The following GPC6 variants were observed in gnomAD, a reference collection of about 807,000 sequenced individuals.
GPC6 encodes glypican 6, also known as glypican-6.
A neutral mutation model predicts 55.2 loss-of-function variants in GPC6; 14 were observed. That is an observed-to-expected ratio of 0.25 (90% CI 0.17 to 0.40). The LOEUF (loss-of-function observed/expected upper bound fraction) is 0.40. Ranked by LOEUF, GPC6 falls within the 10% of genes least tolerant of loss-of-function variation. The probability of loss-of-function intolerance (pLI) is 1.00; values close to 1 mark genes in which losing one functional copy is unlikely to be tolerated. For synonymous variants in GPC6, 278 were observed against 259.6 expected (o/e 1.07, Z -0.68); for missense variants, 641 against 708.5 (o/e 0.90, Z 1.08).
At chr13:93,341,533 G>C (rs1438096655) in intron 1 of GPC6, among the ~76,000 whole-genome samples, 1 of 152,082 alleles carries the variant, frequency 6.6e-6, no homozygotes, top group South Asian at 2.1e-4. Context: ...TTTGATGGCT[G>C]TGTACATCCT....
chr13:93,354,054 A>C (rs530687581), intron 1 of GPC6, among the ~76,000 whole-genome samples: 16 of 152,310 alleles, frequency 1.1e-4, no homozygotes, highest in African/African-American at 3.4e-4. Flanking sequence ...TTTTCTAAAA[A>C]TCCGACAAGA....
intron 4 of GPC6, among the ~76,000 whole-genome samples, chr13:94,258,747 G>A (rs1020807495): frequency 2.6e-5 from 4 of 152,028 alleles, no homozygotes; most frequent in Admixed American, 1.3e-4. Context: ...TAATAATTTC[G>A]GTAGAGTAAA....
At chr13:93,314,453 TAA>T (rs1471895045) in intron 1 of GPC6, among the ~76,000 whole-genome samples, 1 of 152,052 alleles carries the variant, frequency 6.6e-6, no homozygotes, top group Non-Finnish European at 1.5e-5. Context: ...GTTGGGGAAA[TAA>T]AGTTAATATC....
chr13:94,247,436 G>A lies in GPC6; in HGVS notation c.878-38913G>A, dbSNP rs577271502. On this transcript the variant is annotated intron_variant, in intron 4 of 8. Transcript: ENST00000377047. ...TCCTGGCCTTGTACCTGCTCTTAGA[G>A]GAAAGGCTTTCAGTTTCTCCCTCTT... Among the ~76,000 whole-genome samples the A allele has an allele frequency of 4.6e-5, 7 of 152,176 alleles. No individual in the cohort carries two copies. In the South Asian group the frequency reaches 1.5e-3, roughly 32 times the overall value.
rs7327475 is a variant in GPC6 at position 94,160,557 on chromosome 13, G to T, written c.878-125792G>T. ...TGGGGCCCTTCCATGCACTGCATGG[G>T]TTGCAGGCCCATTAAACCATCCGTG... On this transcript the variant is annotated intron_variant, in intron 4 of 8. Transcript: ENST00000377047. Among the ~76,000 whole-genome samples, 486 of 152,360 alleles carry T rather than the reference G, an allele frequency of 3.2e-3. 3 individuals are homozygous for T. Among genetic ancestry groups the T allele is most frequent in the African/African-American group, 0.011 (472 of 41,590 alleles).
chr13:93,686,428 C>T (rs191456124), intron 2 of GPC6, among the ~76,000 whole-genome samples: 1 of 152,206 alleles, frequency 6.6e-6, no homozygotes, highest in East Asian at 1.9e-4. Flanking sequence ...TGTTTGGAGT[C>T]TCTGTGATCC....
rs374273982 is a variant in GPC6 at position 93,276,181 on chromosome 13, T to C, written c.160+48565T>C. Among the ~76,000 whole-genome samples, 21 of 152,158 alleles carry C rather than the reference T, an allele frequency of 1.4e-4. No homozygotes were observed. The East Asian group carries it at 1.8e-3, about 13-fold the overall frequency. On this transcript the variant is annotated intron_variant, in intron 1 of 8. Coordinates refer to ENST00000377047, the MANE Select transcript of GPC6 (RefSeq NM_005708.5). ...GAGCCACCGCGCCCAGCGAGAATTT[T>C]TAAGTATTTTATGTTCAGTGACCAG...
chr13:93,651,327 C>A (rs1880400940), intron 2 of GPC6, among the ~76,000 whole-genome samples: 1 of 150,164 alleles, frequency 6.7e-6, no homozygotes, highest in Admixed American at 6.7e-5. Flanking sequence ...TTGCTTTGTA[C>A]AACTTTTCTC....
intron 2 of GPC6, among the ~76,000 whole-genome samples, chr13:93,764,275 T>G (rs1405852293): frequency 6.6e-6 from 1 of 151,710 alleles, no homozygotes; most frequent in Non-Finnish European, 1.5e-5. Context: ...AAATGCTACC[T>G]TTCATTATAT....
At chr13:93,699,544 CT>C (rs1882597698) in intron 2 of GPC6, among the ~76,000 whole-genome samples, 1 of 152,106 alleles carries the variant, frequency 6.6e-6, no homozygotes, top group Admixed American at 6.6e-5. Context: ...GCCTGATTTC[CT>C]TTTGCCCATA....
chr13:93,673,705 T>C (rs1188426062), intron 2 of GPC6, among the ~76,000 whole-genome samples: 1 of 152,188 alleles, frequency 6.6e-6, no homozygotes, highest in Non-Finnish European at 1.5e-5. Context: ...ACAATGGTTG[T>C]GGTCATAGTA....
At chr13:93,963,887 T>TG (rs1879899897) in intron 3 of GPC6, among the ~76,000 whole-genome samples, 2 of 152,204 alleles carry the variant, frequency 1.3e-5, no homozygotes, top group African/African-American at 4.8e-5. Context: ...TTCAGCCCTT[T>TG]GGTACCATTC....
intron 2 of GPC6, among the ~76,000 whole-genome samples, chr13:93,741,760 C>T (rs1238839251): frequency 1.3e-5 from 2 of 152,118 alleles, no homozygotes; most frequent in Admixed American, 6.6e-5. Flanking sequence ...AGCACTCTTA[C>T]TCTACTTAAA....
At chr13:94,145,325 T>C (rs1482424837) in intron 4 of GPC6, among the ~76,000 whole-genome samples, 1 of 152,200 alleles carries the variant, frequency 6.6e-6, no homozygotes, top group Admixed American at 6.6e-5. Context: ...TTGACTTTAT[T>C]GAAACTTATC....
intron 2 of GPC6, among the ~76,000 whole-genome samples, chr13:93,556,701 G>A (rs1875501159): frequency 6.6e-6 from 1 of 151,594 alleles, no homozygotes; most frequent in African/African-American, 2.4e-5. Context: ...CTCACTCGCT[G>A]CCCGTCACTC....
At chr13:93,946,389 C>A (rs952735553) in intron 3 of GPC6, among the ~76,000 whole-genome samples, 9 of 152,128 alleles carry the variant, frequency 5.9e-5, no homozygotes, top group African/African-American at 2.2e-4. Context: ...GCCTTGGCCT[C>A]CAAAAGTGCT....
intron 3 of GPC6, among the ~76,000 whole-genome samples, chr13:93,882,109 G>A (rs368065154): frequency 3.3e-4 from 47 of 141,678 alleles, no homozygotes; most frequent in African/African-American, 1.0e-3. Context: ...TTTCTTTCGC[G>A]GATTTTAATT....
At chr13:94,248,722 A>G (rs1891269248) in intron 4 of GPC6, among the ~76,000 whole-genome samples, 1 of 151,676 alleles carries the variant, frequency 6.6e-6, no homozygotes, top group Non-Finnish European at 1.5e-5. Context: ...TTGACTCAAA[A>G]CCCCCAAAGT....
At chr13:93,661,835 C>T (rs1880934971) in intron 2 of GPC6, among the ~76,000 whole-genome samples, 1 of 152,104 alleles carries the variant, frequency 6.6e-6, no homozygotes. Context: ...AATAGTATGT[C>T]TTCTAATGAA....
Sources: allele counts gnomAD v4.1 joint callset (sites outside exome capture counted in the v4.1 genomes callset), GRCh38; gene constraint gnomAD v4.1.1; transcripts MANE v1.5; gene names NCBI Gene and HGNC (gene_info 2026-07-23, HGNC 2026-07-21).